Variants in DNAJC1 observed in about 807,000 individuals in gnomAD.
DNAJC1 encodes the protein DnaJ heat shock protein family (Hsp40) member C1, also known as dnaJ homolog subfamily C member 1.
A neutral mutation model predicts 76.6 loss-of-function variants in DNAJC1; 58 were observed. That is an observed-to-expected ratio of 0.76 (90% CI 0.61 to 0.94). The LOEUF is 0.94. DNAJC1 is among the 40% of genes least tolerant of loss of function. DNAJC1 has a pLI of 0.00. For missense variants in DNAJC1, 689 were observed against 677.3 expected, an observed-to-expected ratio of 1.02 and a Z score of -0.19; for synonymous variants, 258 against 267.9, an observed-to-expected ratio of 0.96 and a Z score of 0.36.
chr10:21,841,806 A>C (rs1249781576), intron 8 of DNAJC1, among the ~76,000 whole-genome samples: 1 of 152,178 alleles, frequency 6.6e-6, no homozygotes, highest in Non-Finnish European at 1.5e-5. Context: ...ACGTATGTTT[A>C]TAGCGGCACT....
intron 9 of DNAJC1, among the ~76,000 whole-genome samples, chr10:21,797,071 T>C (rs780098628): frequency 1.3e-5 from 2 of 152,186 alleles, no homozygotes; most frequent in East Asian, 1.9e-4. Flanking sequence ...AGGCATTTTA[T>C]GGCTTCAGGT....
chr10:21,767,970 G>A, intron 9 of DNAJC1, among the ~76,000 whole-genome samples: 1 of 151,886 alleles, frequency 6.6e-6, no homozygotes, highest in East Asian at 1.9e-4. Context: ...ACTCCAGCCT[G>A]GGCAACAGAG....
intron 8 of DNAJC1, among the ~76,000 whole-genome samples, chr10:21,813,022 C>CAT (rs1564794529): frequency 1.2e-5 from 1 of 84,710 alleles, no homozygotes; most frequent in Admixed American, 1.2e-4. Context: ...CATATACACA[C>CAT]ACATACACAC....
At chr10:21,963,525 T>C (rs1837837485) in intron 1 of DNAJC1, among the ~76,000 whole-genome samples, 1 of 152,218 alleles carries the variant, frequency 6.6e-6, no homozygotes, top group African/African-American at 2.4e-5. Flanking sequence ...CAAAGAAAAC[T>C]ATTATGTAAA....
rs981722568 is a variant in DNAJC1, at chr10:21,999,071, G to T, written c.222+4142C>A. Among the ~76,000 whole-genome samples the T allele has an allele frequency of 2.0e-5, 3 of 152,304 alleles. No homozygotes were observed. The East Asian group carries it at 5.8e-4, about 29-fold the overall frequency. ...TATACCTGGTGGATAAGGGGATAAA[G>T]AAGATGCCACAGACAGTCACTACCA... is the stretch of plus-strand genomic sequence containing the variant. On this transcript the variant is annotated intron_variant, in intron 1 of 11. Coordinates refer to ENST00000376980, the MANE Select transcript of DNAJC1 (RefSeq NM_022365.4).
At chr10:21,822,780 A>C (rs1835182574) in intron 8 of DNAJC1, among the ~76,000 whole-genome samples, 1 of 152,094 alleles carries the variant, frequency 6.6e-6, no homozygotes, top group African/African-American at 2.4e-5. Context: ...CATAAAATTA[A>C]GGTAGGATTA....
rs140374790 is a variant in DNAJC1 at position 21,811,311 on chromosome 10, T to C, written c.979-5212A>G. Among the ~76,000 whole-genome samples the C allele has an allele frequency of 5.3e-5, 8 of 152,342 alleles. No individual in the cohort carries two copies. In the East Asian group the frequency reaches 1.5e-3, roughly 29 times the overall value. ...CAGTTTCTTTTAGGCTCTTTTGGGT[T>C]CTGGAGGAAACATACTTCTCATTAC... On this transcript the variant is annotated intron_variant, in intron 8 of 11. Coordinates refer to ENST00000376980, the MANE Select transcript of DNAJC1 (RefSeq NM_022365.4).
At chr10:21,938,430 C>T (rs1837349888) in intron 1 of DNAJC1, among the ~76,000 whole-genome samples, 1 of 151,672 alleles carries the variant, frequency 6.6e-6, no homozygotes, top group Non-Finnish European at 1.5e-5. Flanking sequence ...CGTAATAGCA[C>T]TGAAAAATCT....
At chr10:21,916,446 G>A (rs1836958085) in intron 6 of DNAJC1, among the ~76,000 whole-genome samples, 1 of 152,028 alleles carries the variant, frequency 6.6e-6, no homozygotes, top group African/African-American at 2.4e-5. Flanking sequence ...CCGAGATCGC[G>A]CCACTGCACT....
At chr10:21,825,460 T>C (rs1300114556) in intron 8 of DNAJC1, among the ~76,000 whole-genome samples, 1 of 152,222 alleles carries the variant, frequency 6.6e-6, no homozygotes, top group Non-Finnish European at 1.5e-5. Flanking sequence ...TTCCACCTCT[T>C]GGCTACTGTG....
Position 22,003,230 on chromosome 10 carries a change from AC to A in DNAJC1, c.204del (p.Gln68HisfsTer23), listed in dbSNP as rs1249902664. ...LVEEVQLNFY[Q>X]FLGVQQDASS... is the part of the protein sequence containing the mutation. ...TTGCTTACCTGCTGCACCCCGAGGAACTGGTAGAAGTTGAGCTGCACCTCCT... is the reference window on the plus strand; with the variant it reads ...TTGCTTACCTGCTGCACCCCGAGGAATGGTAGAAGTTGAGCTGCACCTCCT... On this transcript the variant is annotated frameshift_variant, in exon 1 of 12. Transcript: ENST00000376980. LOFTEE classifies it high-confidence loss of function. 6.4e-7 allele frequency: 1 copy of A among 1,560,222 alleles called. No individual in the cohort carries two copies. The highest frequency in any genetic ancestry group is 1.4e-5 in the African/African-American group (1 of 71,260).
chr10:21,837,336 G>A (rs527676712), intron 8 of DNAJC1, among the ~76,000 whole-genome samples: 120 of 151,980 alleles, frequency 7.9e-4, no homozygotes, highest in African/African-American at 2.5e-3. Context: ...CCGCCACCCC[G>A]TCTGAGAAGT....
chr10:21,777,545 C>A (rs1288824320), intron 9 of DNAJC1, among the ~76,000 whole-genome samples: 2 of 152,144 alleles, frequency 1.3e-5, no homozygotes, highest in African/African-American at 2.4e-5. Flanking sequence ...AAACACCTTG[C>A]TCTCAAATTT....
At chr10:21,958,407 T>TTGTACCTG (rs1201002447) in intron 1 of DNAJC1, among the ~76,000 whole-genome samples, 1 of 152,186 alleles carries the variant, frequency 6.6e-6, no homozygotes, top group African/African-American at 2.4e-5. Context: ...AAAAGATTCC[T>TTGTACCTG]TGTACCTGTC....
At chr10:21,977,844 T>C (rs562306686) in intron 1 of DNAJC1, among the ~76,000 whole-genome samples, 13 of 152,114 alleles carry the variant, frequency 8.5e-5, no homozygotes, top group Admixed American at 1.3e-4. Flanking sequence ...GCTGATGTGA[T>C]TGTCTAATAT....
At chr10:21,898,727 A>T (rs764368972) in intron 7 of DNAJC1, among the ~76,000 whole-genome samples, 5 of 151,110 alleles carry the variant, frequency 3.3e-5, no homozygotes, top group Non-Finnish European at 5.9e-5. Flanking sequence ...TAATTTTTGT[A>T]TTTTTTAGTA....
chr10:21,832,606 T>C (rs1835378250), intron 8 of DNAJC1, among the ~76,000 whole-genome samples: 1 of 152,222 alleles, frequency 6.6e-6, no homozygotes, highest in Non-Finnish European at 1.5e-5. Flanking sequence ...AATCAACTGA[T>C]TTCTTGAATC....
At chr10:21,977,729 T>C (rs1332572573) in intron 1 of DNAJC1, among the ~76,000 whole-genome samples, 7 of 152,194 alleles carry the variant, frequency 4.6e-5, no homozygotes, top group Non-Finnish European at 8.8e-5. Context: ...TCAGGAGGCT[T>C]ATGTTATAGT....
chr10:21,897,133 C>T (rs1338603940), intron 7 of DNAJC1, among the ~76,000 whole-genome samples: 3 of 152,280 alleles, frequency 2.0e-5, no homozygotes, highest in Admixed American at 6.5e-5. Context: ...TATTTTGTTA[C>T]AGCACAAATG....
Sources: allele counts gnomAD v4.1 joint callset (sites outside exome capture counted in the v4.1 genomes callset), GRCh38; gene constraint gnomAD v4.1.1; transcripts MANE v1.5; gene names NCBI Gene and HGNC (gene_info 2026-07-23, HGNC 2026-07-21).